The following ZMYM2 variants were observed in gnomAD, a reference collection of about 807,000 sequenced individuals.
ZMYM2 encodes zinc finger MYM-type protein 2.
ZMYM2 carries 56 observed loss-of-function variants against 162.8 expected under a neutral mutation model. That is an observed-to-expected ratio of 0.34 (90% CI 0.28 to 0.43). ZMYM2 has a LOEUF of 0.43. ZMYM2 is among the 20% of genes least tolerant of loss of function. ZMYM2 has a pLI of 1.00. For missense variants in ZMYM2, 1,275 were observed against 1,621.8 expected, an observed-to-expected ratio of 0.79 and a Z score of 3.67; for synonymous variants, 510 against 541.6, an observed-to-expected ratio of 0.94 and a Z score of 0.81.
At chr13:19,866,176 T>C in the ZMYM2 span, among the ~76,000 whole-genome samples, 1 of 151,798 alleles carries the variant, frequency 6.6e-6, no homozygotes, top group Non-Finnish European at 1.5e-5. Context: ...GAGCCGAGAC[T>C]GCATCACTGC....
At chr13:20,073,643 C>G (rs538099266) in intron 21 of ZMYM2, among the ~76,000 whole-genome samples, 1 of 152,062 alleles carries the variant, frequency 6.6e-6, no homozygotes, top group African/African-American at 2.4e-5. Flanking sequence ...ACTTACATCA[C>G]GAATTTTTAT....
intron 3 of ZMYM2, among the ~76,000 whole-genome samples, chr13:20,000,685 C>G (rs1245001521): frequency 2.0e-5 from 3 of 152,120 alleles, no homozygotes; most frequent in Non-Finnish European, 4.4e-5. Flanking sequence ...CTATTACTGC[C>G]CAGTACACCT....
rs887807578 is a variant in ZMYM2, at chr13:19,971,441, T to G, written c.-11+11415T>G. On this transcript the variant is annotated intron_variant, in intron 2 of 24. Coordinates refer to ENST00000610343, the MANE Select transcript of ZMYM2 (RefSeq NM_197968.4). ...ATGTGCCACCACACCAGGTTAATTT[T>G]GTAGTTTTAGTAGAGACGGGGTTTC... Among the ~76,000 whole-genome samples, 5 of 150,960 alleles carry G rather than the reference T, an allele frequency of 3.3e-5. No individual in the cohort carries two copies. In the Admixed American group the frequency reaches 3.3e-4, roughly 10 times the overall value.
intron 2 of ZMYM2, among the ~76,000 whole-genome samples, chr13:19,967,720 C>T (rs144636309): frequency 6.1e-4 from 93 of 152,244 alleles, no homozygotes; most frequent in African/African-American, 2.1e-3. Context: ...TATGGTAATG[C>T]CTGGTTTCCT....
chr13:20,011,573 G>GTTTTTTTTTTTTT (rs764404253), intron 6 of ZMYM2, among the ~76,000 whole-genome samples: 1 of 144,204 alleles, frequency 6.9e-6, no homozygotes, highest in African/African-American at 2.6e-5. Flanking sequence ...TTATTTTTTT[G>GTTTTTTTTTTTTT]TTTTATTTTT....
chr13:19,914,740 T>C, the ZMYM2 span, among the ~76,000 whole-genome samples: 1 of 152,186 alleles, frequency 6.6e-6, no homozygotes, highest in East Asian at 1.9e-4. Context: ...TTACAGCAGA[T>C]GAAGAGTGGT....
chr13:20,007,029 A>G (rs1315588783), intron 6 of ZMYM2, among the ~76,000 whole-genome samples: 1 of 152,168 alleles, frequency 6.6e-6, no homozygotes, highest in Non-Finnish European at 1.5e-5. Context: ...CCTCTTTTGA[A>G]TTTATTTCCT....
At chr13:20,057,962 G>A (rs1426376945) in intron 14 of ZMYM2, among the ~76,000 whole-genome samples, 2 of 152,116 alleles carry the variant, frequency 1.3e-5, no homozygotes, top group Non-Finnish European at 2.9e-5. Context: ...TTATTTATGT[G>A]GGGTTTTGTC....
chr13:20,081,374 C>T (rs1381518969), intron 21 of ZMYM2, among the ~76,000 whole-genome samples: 5 of 152,118 alleles, frequency 3.3e-5, no homozygotes, highest in Admixed American at 3.3e-4. Context: ...CTTTAAGCCC[C>T]ACTAATGTTT....
the ZMYM2 span, among the ~76,000 whole-genome samples, chr13:19,870,595 C>CCTTT: frequency 5.6e-5 from 8 of 142,814 alleles, no homozygotes; most frequent in African/African-American, 1.8e-4. Flanking sequence ...TTCCTTCCTT[C>CCTTT]CTTTCTTTCT....
At chr13:20,005,265 T>G (rs770218659) in intron 5 of ZMYM2, 26 bp downstream of exon 5, 3 of 1,449,586 alleles carry the variant, frequency 2.1e-6, no homozygotes, top group Non-Finnish European at 2.8e-6. Context: ...CTTTATCATT[T>G]AATTCTAACA....
At chr13:20,024,658 A>C (rs746490446) in intron 7 of ZMYM2, 1 of 223,374 alleles carries the variant, frequency 4.5e-6, no homozygotes, top group Non-Finnish European at 8.9e-6. Context: ...TCCCTTTTCC[A>C]GTATAGAAAT....
chr13:19,896,424 G>T, the ZMYM2 span, among the ~76,000 whole-genome samples: 1 of 150,972 alleles, frequency 6.6e-6, no homozygotes, highest in African/African-American at 2.4e-5. Context: ...GATTACAGGC[G>T]TGAGCCACTG....
chr13:20,037,714 A>G (rs542212705), intron 12 of ZMYM2, among the ~76,000 whole-genome samples: 1 of 152,288 alleles, frequency 6.6e-6, no homozygotes, highest in East Asian at 1.9e-4. Flanking sequence ...AAATGTGTGT[A>G]TGTGTATGTG....
chr13:19,922,298 A>C, the ZMYM2 span, among the ~76,000 whole-genome samples: 1 of 152,172 alleles, frequency 6.6e-6, no homozygotes, highest in African/African-American at 2.4e-5. Context: ...TTGGTTTACA[A>C]AAATAACATT....
the ZMYM2 span, among the ~76,000 whole-genome samples, chr13:19,902,273 G>A: frequency 6.6e-6 from 1 of 152,184 alleles, no homozygotes. Context: ...GGTTTAATGG[G>A]CATAGCTTCC....
intron 12 of ZMYM2, among the ~76,000 whole-genome samples, chr13:20,050,811 G>C (rs1955254161): frequency 6.6e-6 from 1 of 151,972 alleles, no homozygotes; most frequent in African/African-American, 2.4e-5. Flanking sequence ...TGGGCTGATT[G>C]TTTTCCTAGA....
chr13:19,877,219 A>AG, the ZMYM2 span, among the ~76,000 whole-genome samples: 3 of 149,666 alleles, frequency 2.0e-5, no homozygotes, highest in Non-Finnish European at 4.5e-5. Flanking sequence ...CTCAAAAAAA[A>AG]AAAAAAAAAC....
the ZMYM2 span, among the ~76,000 whole-genome samples, chr13:19,928,652 C>T: frequency 6.6e-6 from 1 of 152,014 alleles, no homozygotes; most frequent in East Asian, 1.9e-4. Context: ...TAAAAATTAG[C>T]TGGGCATGGT....
Sources: allele counts gnomAD v4.1 joint callset (sites outside exome capture counted in the v4.1 genomes callset), GRCh38; gene constraint gnomAD v4.1.1; transcripts MANE v1.5; gene names NCBI Gene and HGNC (gene_info 2026-07-23, HGNC 2026-07-21).